The following METTL25 variants were observed in gnomAD, a reference collection of about 807,000 sequenced individuals.
METTL25 encodes probable methyltransferase-like protein 25.
METTL25 carries 64 observed loss-of-function variants against 71.6 expected under a neutral mutation model. The observed-to-expected ratio is 0.89, with a 90% CI of 0.73 to 1.10. The LOEUF (loss-of-function observed/expected upper bound fraction) is 1.10, where lower values mean the gene tolerates loss of function less well. Ranked by LOEUF, METTL25 falls within the 50% of genes least tolerant of loss-of-function variation. METTL25 has a pLI of 0.00. For missense variants in METTL25, 807 were observed against 707.0 expected, an observed-to-expected ratio of 1.14 and a Z score of -1.60; for synonymous variants, 287 against 250.3, an observed-to-expected ratio of 1.15 and a Z score of -1.38.
chr12:82,435,956 A>G (rs1162265718), intron 7 of METTL25, among the ~76,000 whole-genome samples: 1 of 151,442 alleles, frequency 6.6e-6, no homozygotes, highest in East Asian at 1.9e-4. Flanking sequence ...CCCATGATAC[A>G]CATGAAGAGA....
chr12:82,395,313 G>C (rs989124786), intron 3 of METTL25, among the ~76,000 whole-genome samples: 1 of 152,038 alleles, frequency 6.6e-6, no homozygotes, highest in Non-Finnish European at 1.5e-5. Flanking sequence ...TGAGGGATTT[G>C]CTAAGAGTAG....
intron 9 of METTL25, chr12:82,476,322 AT>A (rs1892876259): frequency 4.8e-6 from 1 of 208,492 alleles, no homozygotes; most frequent in South Asian, 1.1e-4. Context: ...TAGTCAAAAA[AT>A]GTTTGATCTC....
At chr12:82,384,567 A>C (rs10778905) in intron 1 of METTL25, among the ~76,000 whole-genome samples, 140,486 of 152,010 alleles carry the variant, frequency 0.92, 65,243 homozygotes, top group East Asian at 1. Context: ...CTAGGGTTAG[A>C]CCAAAATACC....
intron 8 of METTL25, among the ~76,000 whole-genome samples, chr12:82,445,241 T>C (rs1480029421): frequency 6.6e-6 from 1 of 152,098 alleles, no homozygotes; most frequent in African/African-American, 2.4e-5. Flanking sequence ...ATAAAATATA[T>C]ACATATTGTT....
rs961835865 is a variant in METTL25, at chr12:82,403,081, G to A, written c.1230G>A (p.Val410=). The A allele has an allele frequency of 6.2e-7, 1 of 1,613,208 alleles. No homozygotes were observed. Among genetic ancestry groups the A allele is most frequent in the Non-Finnish European group, 8.5e-7 (1 of 1,179,488 alleles). The change falls in exon 5 of 12, where the codon GTG becomes GTA. Residue 410 remains valine (V), a synonymous_variant. Coordinates refer to ENST00000248306, the MANE Select transcript of METTL25 (RefSeq NM_032230.3). ...SNSEIKGVCS[V]GCCYHLLSEE... ...CTGAAATCAAGGGAGTTTGCAGTGT[G>A]GGTTGTTGCTACCACCTCTTATCTG...
At chr12:82,406,388 A>G (rs1324085953) in intron 5 of METTL25, among the ~76,000 whole-genome samples, 1 of 152,190 alleles carries the variant, frequency 6.6e-6, no homozygotes, top group African/African-American at 2.4e-5. Context: ...AAAAGTACAT[A>G]TACACATTCT....
At chr12:82,461,919 T>G (rs750454204) in intron 9 of METTL25, among the ~76,000 whole-genome samples, 1 of 152,222 alleles carries the variant, frequency 6.6e-6, no homozygotes, top group Non-Finnish European at 1.5e-5. Flanking sequence ...GCATGATTTC[T>G]TATATATTGT....
intron 5 of METTL25, among the ~76,000 whole-genome samples, chr12:82,424,516 C>G (rs527643959): frequency 2.1e-5 from 3 of 145,866 alleles, no homozygotes; most frequent in African/African-American, 7.6e-5. Flanking sequence ...GCACATGTAC[C>G]TTAGAGCTTA....
At chr12:82,438,228 T>C (rs1890062511) in intron 7 of METTL25, among the ~76,000 whole-genome samples, 1 of 151,740 alleles carries the variant, frequency 6.6e-6, no homozygotes. Flanking sequence ...AGTACTGTCT[T>C]TCAGACCTCA....
At position 82,422,906 on chromosome 12, in the gene METTL25, CA is replaced by C. The variant is rs1450356926; in HGVS notation, c.1280-7984del. ...TCAACAAAATAAAAGAGGATACAAACAAATGGAAGAACATTCCATGCTCATG... is the reference window on the plus strand; with the variant it reads ...TCAACAAAATAAAAGAGGATACAAACAATGGAAGAACATTCCATGCTCATG... On this transcript the variant is annotated intron_variant, in intron 5 of 11. Transcript: ENST00000248306. 7.2e-5 allele frequency among the ~76,000 whole-genome samples: 11 copies of C among 152,224 alleles called. No homozygotes were observed. In the East Asian group the frequency reaches 2.1e-3, roughly 29 times the overall value.
intron 8 of METTL25, among the ~76,000 whole-genome samples, chr12:82,440,398 T>C (rs962882076): frequency 6.6e-6 from 1 of 152,052 alleles, no homozygotes; most frequent in African/African-American, 2.4e-5. Context: ...AATGTTCTCT[T>C]CCCACCAATT....
At chr12:82,440,796 G>A (rs996072646) in intron 8 of METTL25, among the ~76,000 whole-genome samples, 2 of 152,030 alleles carry the variant, frequency 1.3e-5, no homozygotes, top group South Asian at 2.1e-4. Context: ...GTGCACATGC[G>A]TGTGTGTGTT....
At chr12:82,359,735 C>T (rs1881563916) in intron 1 of METTL25, among the ~76,000 whole-genome samples, 1 of 152,178 alleles carries the variant, frequency 6.6e-6, no homozygotes, top group Non-Finnish European at 1.5e-5. Context: ...AGATTCTTCT[C>T]AGGCAAGCAT....
chr12:82,409,711 A>G (rs1302855828), intron 5 of METTL25, among the ~76,000 whole-genome samples: 1 of 152,148 alleles, frequency 6.6e-6, no homozygotes. Context: ...ACAGTCAAAT[A>G]TCAGTGGTGT....
intron 9 of METTL25, among the ~76,000 whole-genome samples, chr12:82,464,003 A>T (rs1892072242): frequency 6.6e-6 from 1 of 151,800 alleles, no homozygotes; most frequent in Non-Finnish European, 1.5e-5. Context: ...TATATTCTCG[A>T]TATTAATTCC....
At chr12:82,420,500 TTA>T (rs1189905682) in intron 5 of METTL25, among the ~76,000 whole-genome samples, 1 of 152,092 alleles carries the variant, frequency 6.6e-6, no homozygotes, top group Non-Finnish European at 1.5e-5. Context: ...CTGCAGCTTT[TTA>T]TATGTCAACC....
chr12:82,456,236 TATTA>T (rs1891477453), intron 8 of METTL25, among the ~76,000 whole-genome samples: 2 of 151,880 alleles, frequency 1.3e-5, no homozygotes, highest in African/African-American at 2.4e-5. Context: ...TTGTGTACAT[TATTA>T]ATAAGAGTTT....
At chr12:82,366,281 T>A (rs1437511050) in intron 1 of METTL25, among the ~76,000 whole-genome samples, 2 of 152,204 alleles carry the variant, frequency 1.3e-5, no homozygotes, top group East Asian at 1.9e-4. Context: ...GATAGCCTAA[T>A]GAACTCTCAG....
chr12:82,422,296 C>T (rs541754063), intron 5 of METTL25, among the ~76,000 whole-genome samples: 2 of 152,230 alleles, frequency 1.3e-5, no homozygotes, highest in African/African-American at 4.8e-5. Context: ...AAGACAAAAA[C>T]CACATGATTA....
Sources: allele counts gnomAD v4.1 joint callset (sites outside exome capture counted in the v4.1 genomes callset), GRCh38; gene constraint gnomAD v4.1.1; transcripts MANE v1.5; gene names NCBI Gene and HGNC (gene_info 2026-07-23, HGNC 2026-07-21).